Variants in RNLS observed in about 807,000 individuals in gnomAD.
RNLS encodes the protein renalase.
RNLS carries 39 observed loss-of-function variants against 39.8 expected under a neutral mutation model. The observed-to-expected ratio is 0.98, with a 90% CI of 0.76 to 1.28. The LOEUF (loss-of-function observed/expected upper bound fraction) is 1.28. RNLS is among the 50% of genes most tolerant of loss of function. RNLS has a pLI of 0.00. For missense variants in RNLS, 410 were observed against 413.3 expected (o/e 0.99, Z 0.07); for synonymous variants, 147 against 150.7 (o/e 0.98, Z 0.18).
intron 5 of RNLS, among the ~76,000 whole-genome samples, chr10:88,348,395 G>A (rs2133265806): frequency 6.6e-6 from 1 of 152,242 alleles, no homozygotes; most frequent in South Asian, 2.1e-4. Flanking sequence ...CAACCTGAAG[G>A]TCTTTTATAA....
At chr10:88,447,645 T>C (rs1338686134) in intron 4 of RNLS, among the ~76,000 whole-genome samples, 1 of 152,138 alleles carries the variant, frequency 6.6e-6, no homozygotes, top group Non-Finnish European at 1.5e-5. Flanking sequence ...CTTCACAGAA[T>C]TGGAAAAAAC....
At chr10:88,469,822 CGTGTGTGTGT>C (rs199651876) in intron 4 of RNLS, among the ~76,000 whole-genome samples, 349 of 138,192 alleles carry the variant, frequency 2.5e-3, no homozygotes, top group Middle Eastern at 7.4e-3. Context: ...TATGTGTGTG[CGTGTGTGTGT>C]GTGTGTGTGT....
intron 4 of RNLS, among the ~76,000 whole-genome samples, chr10:88,523,728 T>C (rs1846901578): frequency 6.6e-6 from 1 of 152,180 alleles, no homozygotes; most frequent in African/African-American, 2.4e-5. Flanking sequence ...CCTTTGTAGA[T>C]ACTGTATAGA....
intron 4 of RNLS, among the ~76,000 whole-genome samples, chr10:88,451,506 C>T (rs1260063214): frequency 6.6e-6 from 1 of 152,124 alleles, no homozygotes; most frequent in Non-Finnish European, 1.5e-5. Flanking sequence ...GCAATGCAGC[C>T]AAAGAAAGAC....
chr10:88,471,329 C>G (rs893254136), intron 4 of RNLS, among the ~76,000 whole-genome samples: 1 of 152,096 alleles, frequency 6.6e-6, no homozygotes. Flanking sequence ...TGGATTTCTA[C>G]AGAATAAACT....
chr10:88,489,432 T>C (rs756785426), intron 4 of RNLS, among the ~76,000 whole-genome samples: 5 of 152,172 alleles, frequency 3.3e-5, no homozygotes, highest in African/African-American at 7.2e-5. Context: ...ACTCGGACCC[T>C]AGCAATAAAT....
chr10:88,245,809 A>G, the RNLS span, among the ~76,000 whole-genome samples: 1 of 152,200 alleles, frequency 6.6e-6, no homozygotes, highest in East Asian at 1.9e-4. Context: ...AACCCAGAGC[A>G]TCAAATCACC....
intron 4 of RNLS, among the ~76,000 whole-genome samples, chr10:88,474,572 T>C (rs1843703962): frequency 6.6e-6 from 1 of 152,120 alleles, no homozygotes; most frequent in African/African-American, 2.4e-5. Context: ...CCTCTTCAAG[T>C]TGGAAGGCTT....
chr10:88,345,474 GTAAGTA>G (rs1418641175), intron 5 of RNLS, among the ~76,000 whole-genome samples: 5 of 152,118 alleles, frequency 3.3e-5, no homozygotes, highest in Admixed American at 1.3e-4. Context: ...TTCCTAATGT[GTAAGTA>G]TAAGTATTAT....
At chr10:88,243,123 A>C in the RNLS span, among the ~76,000 whole-genome samples, 2 of 152,210 alleles carry the variant, frequency 1.3e-5, no homozygotes, top group African/African-American at 2.4e-5. Flanking sequence ...AAATCATATA[A>C]TGTGTGGGAA....
At chr10:88,406,755 G>A (rs1040390382) in intron 4 of RNLS, among the ~76,000 whole-genome samples, 7 of 152,022 alleles carry the variant, frequency 4.6e-5, no homozygotes, top group Admixed American at 6.6e-5. Context: ...ACTTGCACAC[G>A]CATGTTTATA....
At chr10:88,400,200 T>C (rs1311697013) in intron 4 of RNLS, among the ~76,000 whole-genome samples, 1 of 152,050 alleles carries the variant, frequency 6.6e-6, no homozygotes, top group Non-Finnish European at 1.5e-5. Context: ...TTCCAGAGAA[T>C]AGAATTTAAT....
chr10:88,540,957 A>C (rs1318012217), intron 4 of RNLS, among the ~76,000 whole-genome samples: 1 of 151,092 alleles, frequency 6.6e-6, no homozygotes, highest in Non-Finnish European at 1.5e-5. Flanking sequence ...ACATTTTGTT[A>C]TATTATGGTC....
intron 4 of RNLS, among the ~76,000 whole-genome samples, chr10:88,457,294 A>C (rs1006297125): frequency 1.3e-5 from 2 of 152,208 alleles, no homozygotes; most frequent in Non-Finnish European, 2.9e-5. Flanking sequence ...GTTTTTGTAA[A>C]GAGTTTGGGG....
At chr10:88,502,159 G>A (rs376084407) in intron 4 of RNLS, among the ~76,000 whole-genome samples, 1 of 151,984 alleles carries the variant, frequency 6.6e-6, no homozygotes, top group South Asian at 2.1e-4. Context: ...TTAAAATGCA[G>A]ATTTCTTTAT....
intron 4 of RNLS, among the ~76,000 whole-genome samples, chr10:88,504,844 AGTGTGTGT>A (rs34411833): frequency 4.4e-5 from 6 of 136,166 alleles, no homozygotes; most frequent in African/African-American, 1.4e-4. Flanking sequence ...AGAGAGACAG[AGTGTGTGT>A]GTGTGTGTGT....
chr10:88,386,414 T>G (rs1307337231), intron 4 of RNLS, among the ~76,000 whole-genome samples: 2 of 152,228 alleles, frequency 1.3e-5, no homozygotes, highest in Non-Finnish European at 1.5e-5. Context: ...CATTAAGCTT[T>G]TCTAAGCCGT....
At chr10:88,266,607 A>G in the RNLS span, among the ~76,000 whole-genome samples, 2 of 151,786 alleles carry the variant, frequency 1.3e-5, no homozygotes, top group African/African-American at 4.8e-5. Context: ...TGGTCTTGCA[A>G]ACAGAAATAT....
chr10:88,291,722 C>T (rs759838484), intron 6 of RNLS, among the ~76,000 whole-genome samples: 2 of 152,000 alleles, frequency 1.3e-5, no homozygotes, highest in South Asian at 4.2e-4. Flanking sequence ...CTCTCCTTTC[C>T]CATTAAATTA....
Sources: gnomAD v4.1 joint callset for allele counts (sites outside exome capture counted in the v4.1 genomes callset) on GRCh38, gnomAD v4.1.1 for gene constraint, MANE v1.5 for transcripts, NCBI Gene and HGNC (gene_info 2026-07-23, HGNC 2026-07-21) for gene names.